The following TRAF3IP1 variants were observed in gnomAD, a reference collection of about 807,000 sequenced individuals.
TRAF3IP1 encodes intraflagellar transport 54, also known as TRAF3-interacting protein 1.
In TRAF3IP1, 53 loss-of-function variants were observed where a neutral mutation model predicts 89.9. That is an observed-to-expected ratio of 0.59 (90% CI 0.47 to 0.74). The LOEUF (loss-of-function observed/expected upper bound fraction) is 0.74. TRAF3IP1 is among the 30% of genes least tolerant of loss of function. The pLI is 0.00. For missense variants in TRAF3IP1, 806 were observed against 866.1 expected (o/e 0.93, Z 0.87); for synonymous variants, 311 against 322.1 (o/e 0.97, Z 0.37).
chr2:238,338,092 G>A (rs1698470076), intron 7 of TRAF3IP1, among the ~76,000 whole-genome samples: 1 of 152,058 alleles, frequency 6.6e-6, no homozygotes, highest in African/African-American at 2.4e-5. Flanking sequence ...AGGAGGAAGA[G>A]GAGGAGGGAG....
intron 15 of TRAF3IP1, among the ~76,000 whole-genome samples, chr2:238,371,492 G>T (rs1700109795): frequency 6.6e-6 from 1 of 152,160 alleles, no homozygotes; most frequent in South Asian, 2.1e-4. Flanking sequence ...TAGCTAGATT[G>T]TCATTTCATA....
At chr2:238,395,671 C>G (rs919831782) in intron 15 of TRAF3IP1, among the ~76,000 whole-genome samples, 16 of 151,694 alleles carry the variant, frequency 1.1e-4, no homozygotes, top group Non-Finnish European at 4.4e-5. Context: ...ACAATGAACT[C>G]AAACAAATTT....
In TRAF3IP1 at chr2:238,379,105, T is replaced by C. The variant is rs1319979475; in HGVS notation, c.1690-18354T>C. Among the ~76,000 whole-genome samples, 2 of 152,176 alleles carry C rather than the reference T, an allele frequency of 1.3e-5. No individual in the cohort carries two copies. Among genetic ancestry groups the C allele is most frequent in the African/African-American group, 2.4e-5 (1 of 41,448 alleles). On this transcript the variant is annotated intron_variant, in intron 15 of 16. Transcript: ENST00000373327. This position sits in a 1 kb window ranked among gnomAD's most constrained non-coding sequence, Gnocchi z 4.0. Reference sequence around the variant, plus strand: ...CCAGACTTGTTCTCCTTGTTTCCTGTCGACTCACTCTTTGGTCGTCTGTGT... The same window carrying C: ...CCAGACTTGTTCTCCTTGTTTCCTGCCGACTCACTCTTTGGTCGTCTGTGT...
At chr2:238,338,331 T>C in intron 7 of TRAF3IP1, 31 bp from the exon 8 acceptor site, 1 of 1,323,328 alleles carries the variant, frequency 7.6e-7, no homozygotes, top group Non-Finnish European at 1.1e-6. Context: ...TTTTATAATA[T>C]TTTAATCTGT....
At chr2:238,333,816 G>A (rs1388747551) in intron 6 of TRAF3IP1, 144 bp from the exon 7 acceptor site, 2 of 655,064 alleles carry the variant, frequency 3.1e-6, no homozygotes, top group Non-Finnish European at 5.3e-6. Context: ...TGAGTCCTTA[G>A]TAGTATTGAG....
intron 14 of TRAF3IP1, among the ~76,000 whole-genome samples, chr2:238,354,914 G>C (rs781425306): frequency 6.6e-6 from 1 of 151,064 alleles, no homozygotes; most frequent in Non-Finnish European, 1.5e-5. Flanking sequence ...CTCCCAAAGC[G>C]CTGGTATTAC....
chr2:238,375,729 A>G (rs1161959658), intron 15 of TRAF3IP1, among the ~76,000 whole-genome samples: 3 of 152,290 alleles, frequency 2.0e-5, no homozygotes, highest in Non-Finnish European at 4.4e-5. Context: ...ATTTTAATCA[A>G]ACTTTTCAAT....
intron 14 of TRAF3IP1, among the ~76,000 whole-genome samples, chr2:238,355,667 T>C (rs942464509): frequency 6.6e-6 from 1 of 152,276 alleles, no homozygotes; most frequent in Non-Finnish European, 1.5e-5. Context: ...GAAGCATTTC[T>C]TGTTATTTCT....
rs1701383112 is a variant in TRAF3IP1 at position 238,399,573 on chromosome 2, A to T, written c.*654A>T. On this transcript the variant is annotated 3_prime_UTR_variant, in exon 17 of 17. Coordinates refer to ENST00000373327, the MANE Select transcript of TRAF3IP1 (RefSeq NM_015650.4). ...TGTTTCTAGTCCTTAAAGTTCATAA[A>T]TTTAAAAAGGAGATTTCAGGATGGC... 6.6e-6 allele frequency: 1 copy of T among 152,138 alleles called. No individual in the cohort carries two copies. The highest frequency in any genetic ancestry group is 1.5e-5 in the Non-Finnish European group (1 of 68,040). The allele number at this position is 152,138 out of a possible 1,614,324, so 9.4% of individuals were successfully genotyped here. A position where few individuals can be genotyped will look rare whatever the true frequency, so the allele number is the denominator to read the frequency against.
Position 238,343,791 on chromosome 2 carries a change from A to G in TRAF3IP1, c.1160-706A>G, listed in dbSNP as rs561371299. Among the ~76,000 whole-genome samples the G allele has an allele frequency of 8.6e-5, 13 of 151,826 alleles. No individual in the cohort carries two copies. In the East Asian group the frequency reaches 2.1e-3, roughly 25 times the overall value. On this transcript the variant is annotated intron_variant, in intron 8 of 16. Coordinates refer to ENST00000373327, the MANE Select transcript of TRAF3IP1 (RefSeq NM_015650.4). ...CTCAGCCTCCTGAGTAGCTGGGACTACGGGTGTGTGTAACCATGCTTGGCT... is the reference window on the plus strand; with the variant it reads ...CTCAGCCTCCTGAGTAGCTGGGACTGCGGGTGTGTGTAACCATGCTTGGCT...
intron 15 of TRAF3IP1, among the ~76,000 whole-genome samples, chr2:238,360,126 C>T (rs1176209917): frequency 1.3e-5 from 2 of 152,152 alleles, no homozygotes; most frequent in Non-Finnish European, 2.9e-5. Flanking sequence ...CAGAACTGTG[C>T]AAGATTTGAT....
At chr2:238,365,727 CT>C (rs1699847689) in intron 15 of TRAF3IP1, among the ~76,000 whole-genome samples, 2 of 151,930 alleles carry the variant, frequency 1.3e-5, no homozygotes, top group Non-Finnish European at 2.9e-5. Flanking sequence ...GTTGGTAAGA[CT>C]TTAATAGTTA....
At chr2:238,366,951 C>T (rs1040961431) in intron 15 of TRAF3IP1, among the ~76,000 whole-genome samples, 97 of 151,812 alleles carry the variant, frequency 6.4e-4, no homozygotes, top group African/African-American at 2.1e-3. Flanking sequence ...ATCACGAAGT[C>T]GGGAGATTGA....
intron 15 of TRAF3IP1, among the ~76,000 whole-genome samples, chr2:238,395,373 A>G (rs944912328): frequency 6.6e-6 from 1 of 152,238 alleles, no homozygotes; most frequent in Admixed American, 6.5e-5. Flanking sequence ...ACCTTATACA[A>G]AAATCAATTC....
intron 15 of TRAF3IP1, among the ~76,000 whole-genome samples, chr2:238,392,400 C>T (rs1407418410): frequency 1.3e-5 from 2 of 152,126 alleles, no homozygotes; most frequent in Non-Finnish European, 1.5e-5. Context: ...TCCCCCACCT[C>T]GAACTCTTCC....
intron 15 of TRAF3IP1, among the ~76,000 whole-genome samples, chr2:238,374,834 A>G (rs900466493): frequency 6.6e-6 from 1 of 152,060 alleles, no homozygotes; most frequent in African/African-American, 2.4e-5. Context: ...TCATATATTC[A>G]GCTTCTTTCT....
At chr2:238,396,923 A>ATT (rs1701252529) in intron 15 of TRAF3IP1, among the ~76,000 whole-genome samples, 1 of 152,104 alleles carries the variant, frequency 6.6e-6, no homozygotes, top group Non-Finnish European at 1.5e-5. Context: ...TGCCCTGCAC[A>ATT]TTCTCCATGC....
chr2:238,398,615 T>C, intron 16 of TRAF3IP1, 139 bp from the exon 17 acceptor site: 1 of 1,026,312 alleles, frequency 9.7e-7, no homozygotes, highest in Middle Eastern at 3.2e-4. Flanking sequence ...GCAGGGGTTG[T>C]GAAAATAAGA....
chr2:238,390,318 C>T (rs796861789), intron 15 of TRAF3IP1, among the ~76,000 whole-genome samples: 3 of 152,304 alleles, frequency 2.0e-5, no homozygotes, highest in African/African-American at 7.2e-5. Flanking sequence ...ACCAACCTTT[C>T]AGCGGAGAAA....
Sources: gnomAD v4.1 joint callset for allele counts (sites outside exome capture counted in the v4.1 genomes callset) on GRCh38, gnomAD v4.1.1 for gene constraint, Gnocchi (gnomAD v3.1) non-coding constraint, MANE v1.5 for transcripts, NCBI Gene and HGNC (gene_info 2026-07-23, HGNC 2026-07-21) for gene names.